The following MAGT1 variants were observed in gnomAD, a reference collection of about 807,000 sequenced individuals.
MAGT1 encodes the protein dolichyl-diphosphooligosaccharide--protein glycosyltransferase subunit MAGT1.
Under a neutral mutation model 28.4 loss-of-function variants are expected in MAGT1, and 4 were observed. That is an observed-to-expected ratio of 0.14 (90% CI 0.07 to 0.32). The LOEUF is 0.32. Among genes scored for constraint, MAGT1 ranks in the 10% least tolerant of loss-of-function variants. The pLI, the probability that MAGT1 is intolerant of heterozygous loss-of-function variation, is 1.00. For missense variants in MAGT1, 193 were observed against 264.5 expected (o/e 0.73, Z 1.88); for synonymous variants, 89 against 89.7 (o/e 0.99, Z 0.04).
At chrX:77,856,160 G>C (rs1413000156) in intron 5 of MAGT1, among the ~76,000 whole-genome samples, 2 of 111,497 alleles carry the variant, frequency 1.8e-5, no homozygotes, top group Non-Finnish European at 3.8e-5. Flanking sequence ...TTCAGGCTGG[G>C]CATGGTGGCT....
intron 4 of MAGT1, 49 bp downstream of exon 4, chrX:77,857,308 T>G (rs1557216077): frequency 8.3e-7 from 1 of 1,205,617 alleles, no homozygotes; most frequent in South Asian, 1.8e-5. Flanking sequence ...CCAGTAAGAT[T>G]CAAAGGGGAT....
At chrX:77,870,197 C>G (rs2077017119) in intron 3 of MAGT1, among the ~76,000 whole-genome samples, 1 of 110,750 alleles carries the variant, frequency 9.0e-6, no homozygotes, top group Non-Finnish European at 1.9e-5. Context: ...AGGAGTTAAA[C>G]TATGAGGATG....
intron 3 of MAGT1, among the ~76,000 whole-genome samples, chrX:77,868,882 G>C (rs782451664): frequency 5.7e-4 from 63 of 111,323 alleles, no homozygotes; most frequent in Non-Finnish European, 1.1e-3. Context: ...TGTGATCCAG[G>C]GCCCAGGAAA....
chrX:77,870,964 A>AATTTT, intron 2 of MAGT1, 39 bp from the exon 3 acceptor site: 1 of 994,983 alleles, frequency 1.0e-6, no homozygotes, highest in Non-Finnish European at 1.4e-6. Flanking sequence ...CATATAAAAC[A>AATTTT]ATTTTTGAAA....
At chrX:77,843,065 C>T (rs2076940306) in intron 7 of MAGT1, among the ~76,000 whole-genome samples, 1 of 111,643 alleles carries the variant, frequency 9.0e-6, no homozygotes, top group Admixed American at 9.6e-5. Flanking sequence ...GTAAAACACT[C>T]CCAAATCAAT....
At chrX:77,883,321 C>T (rs999255240) in intron 1 of MAGT1, among the ~76,000 whole-genome samples, 27 of 104,657 alleles carry the variant, frequency 2.6e-4, no homozygotes, top group African/African-American at 8.6e-4. Flanking sequence ...GTCAGGAGAT[C>T]GAGACCATGT....
At chrX:77,846,310 T>C (rs2076951350) in intron 7 of MAGT1, among the ~76,000 whole-genome samples, 1 of 111,746 alleles carries the variant, frequency 8.9e-6, no homozygotes, top group African/African-American at 3.3e-5. Context: ...TTCTTTGCAT[T>C]GGTTATTCTA....
intron 1 of MAGT1, among the ~76,000 whole-genome samples, chrX:77,888,049 A>C (rs2077072242): frequency 8.9e-6 from 1 of 111,759 alleles, no homozygotes; most frequent in Admixed American, 9.6e-5. Context: ...ACCTCAGGTG[A>C]TCCATCCAAC....
intron 8 of MAGT1, among the ~76,000 whole-genome samples, chrX:77,834,794 C>T (rs1603359106): frequency 9.1e-6 from 1 of 110,208 alleles, no homozygotes; most frequent in East Asian, 2.8e-4. Context: ...AAAGCTTCTG[C>T]AGAGCAAAGG....
intron 1 of MAGT1, 120 bp downstream of exon 1, chrX:77,895,189 G>T (rs1381247259): frequency 4.0e-6 from 3 of 748,415 alleles, no homozygotes; most frequent in East Asian, 6.9e-5. Flanking sequence ...CGAAAACCGC[G>T]TAATTGAAGC....
At chrX:77,833,818 G>C (rs906294605) in intron 8 of MAGT1, among the ~76,000 whole-genome samples, 1 of 111,417 alleles carries the variant, frequency 9.0e-6, no homozygotes, top group African/African-American at 3.3e-5. Context: ...ACCAATGATA[G>C]TCAAAGCTAT....
At chrX:77,853,796 T>C in intron 7 of MAGT1, 105 bp downstream of exon 7, 3 of 643,694 alleles carry the variant, frequency 4.7e-6, no homozygotes, top group Admixed American at 2.3e-5. Context: ...AAGGATATTG[T>C]GACTTGCATT....
At chrX:77,871,075 C>T in intron 2 of MAGT1, 150 bp from the exon 3 acceptor site, 1 of 491,990 alleles carries the variant, frequency 2.0e-6, no homozygotes, top group Non-Finnish European at 3.6e-6. Flanking sequence ...TCAGACTCTG[C>T]TGACAGGGTT....
chrX:77,842,829 A>C (rs1164695832), intron 7 of MAGT1, among the ~76,000 whole-genome samples: 1 of 111,668 alleles, frequency 9.0e-6, no homozygotes, highest in Admixed American at 9.6e-5. Flanking sequence ...TCCATCTCAA[A>C]AAAAAAAGAA....
chrX:77,860,754 C>T (rs1365271080), intron 3 of MAGT1, among the ~76,000 whole-genome samples: 1 of 112,068 alleles, frequency 8.9e-6, no homozygotes, highest in African/African-American at 3.2e-5. Flanking sequence ...TGCGCTCCAG[C>T]CTGGGCGACA....
At chrX:77,867,028 C>T (rs782314758) in intron 3 of MAGT1, among the ~76,000 whole-genome samples, 1 of 66,147 alleles carries the variant, frequency 1.5e-5, no homozygotes, top group East Asian at 4.7e-4. Flanking sequence ...CTTCCCCCCA[C>T]CCACGAAGCT....
intron 8 of MAGT1, among the ~76,000 whole-genome samples, chrX:77,831,728 G>T (rs997323414): frequency 2.9e-4 from 32 of 109,719 alleles, no homozygotes; most frequent in African/African-American, 1.0e-3. Context: ...GAGTAGCTGG[G>T]ACTACAGATG....
intron 7 of MAGT1, among the ~76,000 whole-genome samples, chrX:77,851,440 C>T (rs1239328988): frequency 9.1e-6 from 1 of 109,958 alleles, no homozygotes; most frequent in African/African-American, 3.3e-5. Context: ...GTGGTACCAT[C>T]TCGGCTCACT....
intron 8 of MAGT1, among the ~76,000 whole-genome samples, chrX:77,840,844 A>C (rs2076932859): frequency 8.9e-6 from 1 of 112,241 alleles, no homozygotes; most frequent in Non-Finnish European, 1.9e-5. Flanking sequence ...CCCTATCTTA[A>C]AGAAAACAAA....
Sources: allele counts gnomAD v4.1 joint callset (sites outside exome capture counted in the v4.1 genomes callset), GRCh38; gene constraint gnomAD v4.1.1; transcripts MANE v1.5; gene names NCBI Gene and HGNC (gene_info 2026-07-23, HGNC 2026-07-21).